The following MBL2 variants were observed in gnomAD, a reference collection of about 807,000 sequenced individuals.
MBL2 encodes the protein mannose-binding protein C.
A neutral mutation model predicts 12.7 loss-of-function variants in MBL2; 6 were observed. That is an observed-to-expected ratio of 0.47 (90% CI 0.26 to 0.94). The LOEUF (loss-of-function observed/expected upper bound fraction) is 0.94. Among genes scored for constraint, MBL2 ranks in the 40% least tolerant of loss-of-function variants. The pLI is 0.15. For synonymous variants in MBL2, 114 were observed against 112.0 expected, an observed-to-expected ratio of 1.02 and a Z score of -0.11; for missense variants, 307 against 295.2, an observed-to-expected ratio of 1.04 and a Z score of -0.29.
At chr10:52,771,860 T>G (rs1198871481) in intron 1 of MBL2, among the ~76,000 whole-genome samples, 1 of 152,164 alleles carries the variant, frequency 6.6e-6, no homozygotes, top group Non-Finnish European at 1.5e-5. Flanking sequence ...GTGGGGATCC[T>G]AAGGAGGGGT....
In MBL2 at chr10:52,769,279, G is replaced by A. The variant is rs1448561201; in HGVS notation, c.341C>T (p.Ala114Val). 4 of 1,612,016 alleles carry A rather than the reference G, an allele frequency of 2.5e-6. No homozygotes were observed. Among genetic ancestry groups the A allele is most frequent in the East Asian group, 4.5e-5 (2 of 44,862 alleles). ...DSSLAASERKALQTEMARIKK... is the reference protein window; with the variant it reads ...DSSLAASERKVLQTEMARIKK... ...GATACGTGCCATTTCTGTTTGCAGA[G>A]CTTTTCTTTCTGAGGCAGCCAGGCT... is the stretch of plus-strand genomic sequence containing the variant. The change falls in exon 4 of 5, where the codon GCT (alanine) becomes GTT (valine). Residue 114 changes from alanine (A) to valine (V), a missense_variant. By Grantham distance (64) the Ala-to-Val change is moderately conservative (BLOSUM62 0). Transcript: ENST00000674931.
chr10:52,771,468 C>T lies in MBL2; in HGVS notation c.168G>A (p.Lys56=), dbSNP rs760788872. 44 of 1,613,774 alleles carry T rather than the reference C, an allele frequency of 2.7e-5. No individual in the cohort carries two copies. Among genetic ancestry groups the T allele is most frequent in the Non-Finnish European group, 3.5e-5 (41 of 1,179,858 alleles). ...ACGTACCTGGTTCCCCCTTTTCTCC[C>T]TTGGTGCCATCACGCCCATCTTTGC... ...FPGKDGRDGT[K]GEKGEPGQGL... is the part of the protein sequence containing the mutation. The change falls in exon 2 of 5, where the codon AAG becomes AAA. Residue 56 remains lysine (K), a synonymous_variant. Transcript: ENST00000674931.
Position 52,767,975 on chromosome 10 carries a change from C to T in MBL2, c.*162G>A. ...CTGCTGCTGCTAACTACTACTACTA[C>T]TATTATTGCTTTGTTGGTGCTGTTA... On this transcript the variant is annotated 3_prime_UTR_variant, in exon 5 of 5. Transcript: ENST00000674931. 1 of 728,064 alleles carries T rather than the reference C, an allele frequency of 1.4e-6. No homozygotes were observed. The highest frequency in any genetic ancestry group is 2.2e-6 in the Non-Finnish European group (1 of 462,228). 45.1% of individuals were successfully genotyped at this position (728,064 alleles called of 1,614,324 possible).
chr10:52,768,141 A>G lies in MBL2; in HGVS notation c.743T>C (p.Ile248Thr). 1.2e-6 allele frequency: 2 copies of G among 1,600,736 alleles called. No individual in the cohort carries two copies. Among genetic ancestry groups the G allele is most frequent in the Non-Finnish European group, 8.5e-7 (1 of 1,173,254 alleles). The stretch of plus-strand genomic sequence containing the variant: ...GGGCCTGAGTGATATGACCCTTCAG[A>G]TAGGGAACTCACAGACGGCCAGATG... ...TSHLAVCEFP[I>T] Residue 248 changes from isoleucine (I) to threonine (T), a missense_variant, in exon 5 of 5, where the codon ATC becomes ACC. Ile to Thr is a moderately conservative substitution (Grantham distance 89). Coordinates refer to ENST00000674931, the MANE Select transcript of MBL2 (RefSeq NM_001378373.1).
rs1276759233 is a variant in MBL2, at chr10:52,766,225, CTG to C, written c.*1910_*1911del. On this transcript the variant is annotated 3_prime_UTR_variant, in exon 5 of 5. Transcript: ENST00000674931. ...TCAGGATTTTGTAGAAATTGAGAAGCTGTTTCTAATATTTATATGGAAATCTT... is the reference window on the plus strand; with the variant it reads ...TCAGGATTTTGTAGAAATTGAGAAGCTTTCTAATATTTATATGGAAATCTT... 6.6e-6 allele frequency: 1 copy of C among 152,088 alleles called. No individual in the cohort carries two copies. Among genetic ancestry groups the C allele is most frequent in the African/African-American group, 2.4e-5 (1 of 41,430 alleles). 9.4% of individuals were successfully genotyped at this position (152,088 alleles called of 1,614,324 possible). A position where few individuals can be genotyped will look rare whatever the true frequency, so the allele number is the denominator to read the frequency against.
chr10:52,768,338 G>A lies in MBL2; in HGVS notation c.546C>T (p.Ala182=). Residue 182 remains alanine, a synonymous_variant, in exon 5 of 5, where the codon GCC becomes GCT. Transcript: ENST00000674931. Reference sequence around the variant, plus strand: ...TCTTCTCATCAGTGATGCCCAGGAAGGCTTCCTCCTTGATGAGATTCTGAA... The same window carrying A: ...TCTTCTCATCAGTGATGCCCAGGAAAGCTTCCTCCTTGATGAGATTCTGAA... The part of the protein sequence containing the change: ...GAIQNLIKEE[A]FLGITDEKTE... 1 of 1,613,840 alleles carries A rather than the reference G, an allele frequency of 6.2e-7. No individual in the cohort carries two copies. Among genetic ancestry groups the A allele is most frequent in the Non-Finnish European group, 8.5e-7 (1 of 1,179,978 alleles).
chr10:52,768,422 C>G lies in MBL2; in HGVS notation c.462G>C (p.Leu154Phe). 1 of 1,612,792 alleles carries G rather than the reference C, an allele frequency of 6.2e-7. No individual in the cohort carries two copies. The highest frequency in any genetic ancestry group is 8.5e-7 in the Non-Finnish European group (1 of 1,179,684). Residue 154 changes from leucine (L) to phenylalanine (F), a missense_variant, in exon 5 of 5, where the codon TTG becomes TTC. Coordinates refer to ENST00000674931, the MANE Select transcript of MBL2 (RefSeq NM_001378373.1). Reference protein sequence around the residue: ...EIMTFEKVKALCVKFQASVAT... With the variant: ...EIMTFEKVKAFCVKFQASVAT... The stretch of plus-strand genomic sequence containing the variant: ...CCACAGAGGCCTGGAACTTGACACA[C>G]AAGGCCTTCACTTTTTCAAAGGTCA...
intron 1 of MBL2, among the ~76,000 whole-genome samples, chr10:52,771,980 C>T (rs1379797547): frequency 6.6e-6 from 1 of 152,044 alleles, no homozygotes; most frequent in Non-Finnish European, 1.5e-5. Context: ...TGCCTGTTAG[C>T]TTAGGGAATG....
At chr10:52,770,900 C>G in intron 2 of MBL2, 114 bp from the exon 3 acceptor site, 1 of 518,608 alleles carries the variant, frequency 1.9e-6, no homozygotes. Flanking sequence ...CAGGACTGAC[C>G]TTTCTGAGCA....
Position 52,769,343 on chromosome 10 carries a change from C to G in MBL2, c.305-28G>C, listed in dbSNP as rs754254222. ...AGAAAATTAGAACAAAGTAAAGAAG[C>G]ATTGTTGAGAAGGAGCCTCAGAACT... On this transcript the variant is annotated intron_variant, in intron 3 of 4. Coordinates refer to ENST00000674931, the MANE Select transcript of MBL2 (RefSeq NM_001378373.1). 66 of 1,502,072 alleles carry G rather than the reference C, an allele frequency of 4.4e-5. 1 individual carries two copies. The East Asian group carries it at 1.4e-3, about 31-fold the overall frequency. 93.0% of individuals were successfully genotyped at this position (1,502,072 alleles called of 1,614,324 possible). A position where few individuals can be genotyped will look rare whatever the true frequency, so the allele number is the denominator to read the frequency against.
At chr10:52,768,630 T>G in intron 4 of MBL2, 120 bp from the exon 5 acceptor site, 1 of 636,306 alleles carries the variant, frequency 1.6e-6, no homozygotes, top group Non-Finnish European at 2.6e-6. Flanking sequence ...CAGTTAAATT[T>G]GAATTTCAGA....
rs1840335061 is a variant in MBL2, at chr10:52,768,182, G to A, written c.702C>T (p.Val234=). 3.7e-6 allele frequency: 6 copies of A among 1,612,660 alleles called. No homozygotes were observed. Among genetic ancestry groups the A allele is most frequent in the African/African-American group, 1.3e-5 (1 of 74,704 alleles). ...CGGCCAGATGGGAGGTGGAGCAGGG[G>A]ACGTCATTCCACTGGCCATTTTTCA... ...LLLKNGQWND[V]PCSTSHLAVC... is the part of the protein sequence containing the mutation. Residue 234 remains valine (V), a synonymous_variant, in exon 5 of 5, where the codon GTC becomes GTT. Transcript: ENST00000674931.
At chr10:52,768,837 T>C (rs1273233288) in intron 4 of MBL2, among the ~76,000 whole-genome samples, 2 of 152,038 alleles carry the variant, frequency 1.3e-5, no homozygotes, top group African/African-American at 4.8e-5. Flanking sequence ...AGACATATAA[T>C]TTGGACTTCT....
At position 52,771,428 on chromosome 10, in the gene MBL2, AC is replaced by A; in HGVS notation, c.187+20del. 1 of 1,610,836 alleles carries A rather than the reference AC, an allele frequency of 6.2e-7. No individual in the cohort carries two copies. Among genetic ancestry groups the A allele is most frequent in the Non-Finnish European group, 8.5e-7 (1 of 1,178,208 alleles). On this transcript the variant is annotated intron_variant, in intron 2 of 4. Coordinates refer to ENST00000674931, the MANE Select transcript of MBL2 (RefSeq NM_001378373.1). Reference sequence around the variant, plus strand: ...CTCTGGAAGGTAAAGAATTGCAGAGACAGAACAGCCCAACACGTACCTGGTT... The same window carrying A: ...CTCTGGAAGGTAAAGAATTGCAGAGAAGAACAGCCCAACACGTACCTGGTT...
chr10:52,772,309 G>A (rs1266430548), intron 1 of MBL2, among the ~76,000 whole-genome samples: 2 of 152,150 alleles, frequency 1.3e-5, no homozygotes, highest in African/African-American at 2.4e-5. Context: ...CGTTGGCCCT[G>A]GCAGAGTGCT....
At chr10:52,770,873 G>T in intron 2 of MBL2, 87 bp from the exon 3 acceptor site, 1 of 701,968 alleles carries the variant, frequency 1.4e-6, no homozygotes, top group Non-Finnish European at 2.2e-6. Context: ...CTTCTCAGGA[G>T]AAAGGAGACC....
Position 52,768,306 on chromosome 10 carries a change from C to A in MBL2, c.578G>T (p.Gly193Val). Reference sequence around the variant, plus strand: ...ATTTCCTGTCAGATCCACAAACTGCCCTTCTGTCTTCTCATCAGTGATGCC... The same window carrying A: ...ATTTCCTGTCAGATCCACAAACTGCACTTCTGTCTTCTCATCAGTGATGCC... ...FLGITDEKTEGQFVDLTGNRL... is the reference protein window; with the variant it reads ...FLGITDEKTEVQFVDLTGNRL... Residue 193 changes from glycine (G) to valine (V), a missense_variant, in exon 5 of 5, where the codon GGG becomes GTG. Coordinates refer to ENST00000674931, the MANE Select transcript of MBL2 (RefSeq NM_001378373.1). 6.2e-7 allele frequency: 1 copy of A among 1,613,844 alleles called. No individual in the cohort carries two copies.
chr10:52,771,112 C>A (rs1228756752), intron 2 of MBL2, among the ~76,000 whole-genome samples: 1 of 152,176 alleles, frequency 6.6e-6, no homozygotes, highest in African/African-American at 2.4e-5. Context: ...TGTTTGTTTG[C>A]TGACTCCATC....
intron 3 of MBL2, among the ~76,000 whole-genome samples, chr10:52,770,251 C>T (rs987580741): frequency 2.0e-5 from 3 of 152,204 alleles, no homozygotes; most frequent in Non-Finnish European, 2.9e-5. Context: ...TTTAAATTGA[C>T]GGCTATGTTT....
Sources: gnomAD v4.1 joint callset for allele counts (sites outside exome capture counted in the v4.1 genomes callset) on GRCh38, gnomAD v4.1.1 for gene constraint, MANE v1.5 for transcripts, NCBI Gene and HGNC (gene_info 2026-07-23, HGNC 2026-07-21) for gene names.